The following LRTM2 variants were observed in gnomAD, a reference collection of about 807,000 sequenced individuals.
LRTM2 encodes the protein leucine rich repeat transmembrane protein 2, also known as leucine-rich repeat and transmembrane domain-containing protein 2.
In LRTM2, 18 loss-of-function variants were observed where a neutral mutation model predicts 28.1. The observed-to-expected ratio is 0.64, with a 90% CI of 0.44 to 0.95. LRTM2 has a LOEUF of 0.95. Among genes scored for constraint, LRTM2 ranks in the 40% least tolerant of loss-of-function variants. LRTM2 has a pLI of 0.00. For synonymous variants in LRTM2, 250 were observed against 218.7 expected, an observed-to-expected ratio of 1.14 and a Z score of -1.26; for missense variants, 436 against 497.2, an observed-to-expected ratio of 0.88 and a Z score of 1.17.
rs773458322 is a variant in LRTM2 at position 1,834,703 on chromosome 12, G to A, written c.1095G>A (p.Gln365=). ...AGGGCGAGCACGAGGACCAGAAGCA[G>A]ATCTCTTCTGTGGCCTGAGCGCCCA... ...DPEGEHEDQK[Q]ISSVA Residue 365 remains glutamine, a synonymous_variant, in exon 5 of 5, where the codon CAG becomes CAA. Coordinates refer to ENST00000299194, the MANE Select transcript of LRTM2 (RefSeq NM_001039029.3). The surrounding 1 kb of genome is among the most constrained non-coding windows in gnomAD (Gnocchi z 7.6). 1 of 1,599,778 alleles carries A rather than the reference G, an allele frequency of 6.3e-7. No individual in the cohort carries two copies. Among genetic ancestry groups the A allele is most frequent in the Admixed American group, 1.7e-5 (1 of 59,842 alleles).
At position 1,828,902 on chromosome 12, in the gene LRTM2, G is replaced by A. The variant is rs1864489515; in HGVS notation, c.67+687G>A. Among the ~76,000 whole-genome samples, 2 of 152,200 alleles carry A rather than the reference G, an allele frequency of 1.3e-5. No homozygotes were observed. The highest frequency in any genetic ancestry group is 1.3e-4 in the Admixed American group (2 of 15,286). On this transcript the variant is annotated intron_variant, in intron 3 of 4. Coordinates refer to ENST00000299194, the MANE Select transcript of LRTM2 (RefSeq NM_001039029.3). This position sits in a 1 kb window ranked among gnomAD's most constrained non-coding sequence, Gnocchi z 4.2. ...AGAATTCTCTTTATATGTGGCAAAG[G>A]GACCAGGTCAGCAAGGGCTGGTCTG...
At chr12:1,821,729 G>C (rs1399636973) in intron 1 of LRTM2, among the ~76,000 whole-genome samples, 1 of 152,146 alleles carries the variant, frequency 6.6e-6, no homozygotes, top group Non-Finnish European at 1.5e-5. Flanking sequence ...GACCCATTTG[G>C]ACAGTGCTGG....
chr12:1,830,838 G>C (rs1185799501), intron 3 of LRTM2, 97 bp from the exon 4 acceptor site: 2 of 1,027,996 alleles, frequency 1.9e-6, no homozygotes, highest in African/African-American at 3.2e-5. Flanking sequence ...AGGAGATAAA[G>C]CCAAGAGCCT....
chr12:1,820,955 C>G lies in LRTM2; in HGVS notation c.-259+141C>G, dbSNP rs919292329. ...TCCTACCTGCAGGCAATTGCTGGGG[C>G]CGAAGAAGCTGCTCGGGCTCAGGCA... On this transcript the variant is annotated intron_variant, in intron 1 of 4. Coordinates refer to ENST00000299194, the MANE Select transcript of LRTM2 (RefSeq NM_001039029.3). This position sits in a 1 kb window ranked among gnomAD's most constrained non-coding sequence, Gnocchi z 6.0. 1 of 152,256 alleles carries G rather than the reference C, an allele frequency of 6.6e-6. No individual in the cohort carries two copies. Among genetic ancestry groups the G allele is most frequent in the Non-Finnish European group, 1.5e-5 (1 of 68,102 alleles). The allele number at this position is 152,256 out of a possible 1,614,324, so 9.4% of individuals were successfully genotyped here. A position where few individuals can be genotyped will look rare whatever the true frequency, so the allele number is the denominator to read the frequency against.
intron 1 of LRTM2, chr12:1,823,239 C>G (rs1283460925): frequency 2.0e-5 from 3 of 152,400 alleles, no homozygotes; most frequent in Non-Finnish European, 4.4e-5. Flanking sequence ...TAGACATGCG[C>G]AGAAGCCTGA....
intron 1 of LRTM2, among the ~76,000 whole-genome samples, chr12:1,826,045 C>T (rs959183440): frequency 6.6e-6 from 1 of 152,156 alleles, no homozygotes; most frequent in Non-Finnish European, 1.5e-5. Flanking sequence ...TACATAGACT[C>T]CACAGGCCCG....
At position 1,834,760 on chromosome 12, in the gene LRTM2, G is replaced by A; in HGVS notation, c.*39G>A. 1 of 1,547,538 alleles carries A rather than the reference G, an allele frequency of 6.5e-7. No individual in the cohort carries two copies. Among genetic ancestry groups the A allele is most frequent in the African/African-American group, 1.4e-5 (1 of 73,900 alleles). On this transcript the variant is annotated 3_prime_UTR_variant, in exon 5 of 5. Coordinates refer to ENST00000299194, the MANE Select transcript of LRTM2 (RefSeq NM_001039029.3). This position sits in a 1 kb window ranked among gnomAD's most constrained non-coding sequence, Gnocchi z 7.6. ...CCCGGCCAGGTAGGAAGGGCGGGGA[G>A]AGCACACGGCATTGCTCAGCCACAG...
At chr12:1,825,866 C>T (rs1864295109) in intron 1 of LRTM2, among the ~76,000 whole-genome samples, 1 of 152,180 alleles carries the variant, frequency 6.6e-6, no homozygotes, top group Non-Finnish European at 1.5e-5. Context: ...TGACCTTGGA[C>T]AAGTGATCAA....
In LRTM2 at chr12:1,828,001, G is replaced by A. The variant is rs771603682; in HGVS notation, c.-73-75G>A. 1.0e-3 allele frequency: 560 copies of A among 560,334 alleles called. 3 individuals are homozygous for A. Among genetic ancestry groups the A allele is most frequent in the Non-Finnish European group, 1.1e-3 (365 of 336,560 alleles). 34.7% of individuals were successfully genotyped at this position (560,334 alleles called of 1,614,324 possible). On this transcript the variant is annotated intron_variant, in intron 2 of 4. Transcript: ENST00000299194. This position sits in a 1 kb window ranked among gnomAD's most constrained non-coding sequence, Gnocchi z 4.2. ...GCATGAGGAGTGTAAAGAGACACCC[G>A]GGCCCTCTCCCTAACCCCTGGGCTG...
rs1407956818 is a variant in LRTM2 at position 1,828,878 on chromosome 12, G to T, written c.67+663G>T. On this transcript the variant is annotated intron_variant, in intron 3 of 4. Transcript: ENST00000299194. The surrounding 1 kb of genome is among the most constrained non-coding windows in gnomAD (Gnocchi z 4.2). The stretch of plus-strand genomic sequence containing the variant: ...GCTGTCAGGGTGAAAGGAGCCCTGA[G>T]AATTCTCTTTATATGTGGCAAAGGG... Among the ~76,000 whole-genome samples, 1 of 152,214 alleles carries T rather than the reference G, an allele frequency of 6.6e-6. No homozygotes were observed. The highest frequency in any genetic ancestry group is 2.1e-4 in the South Asian group (1 of 4,830).
intron 1 of LRTM2, among the ~76,000 whole-genome samples, chr12:1,823,845 G>A (rs1864210414): frequency 6.6e-6 from 1 of 152,188 alleles, no homozygotes. Flanking sequence ...ACACTGCAGA[G>A]GACCATTCAG....
chr12:1,822,154 G>T (rs1345644141), intron 1 of LRTM2: 1 of 152,158 alleles, frequency 6.6e-6, no homozygotes, highest in African/African-American at 2.4e-5. Context: ...AAGGAGAGAG[G>T]CTGCTTAAGC....
chr12:1,826,412 C>CCCCA (rs1864327270), intron 1 of LRTM2, among the ~76,000 whole-genome samples: 1 of 41,720 alleles, frequency 2.4e-5, no homozygotes, highest in African/African-American at 4.1e-5. Context: ...CCCCCCCCCC[C>CCCCA]CCCCGCCAAC....
Position 1,834,518 on chromosome 12 carries a change from G to A in LRTM2, c.910G>A (p.Val304Met), listed in dbSNP as rs774813692. Residue 304 changes from valine to methionine, a missense_variant, in exon 5 of 5, where the codon GTG (valine) becomes ATG (methionine). Physicochemically the swap from Val to Met is conservative, Grantham distance 21 (BLOSUM62 1). Transcript: ENST00000299194. The surrounding 1 kb of genome is among the most constrained non-coding windows in gnomAD (Gnocchi z 7.6). Reference protein sequence around the residue: ...PQKQRHRPASVRRAMGTVIIA... With the variant: ...PQKQRHRPASMRRAMGTVIIA... ...GAAGCAGAGGCACCGGCCGGCGAGC[G>A]TGAGGCGAGCCATGGGCACGGTGAT... is the stretch of plus-strand genomic sequence containing the variant. 1.1e-5 allele frequency: 18 copies of A among 1,605,974 alleles called. No individual in the cohort carries two copies. Among genetic ancestry groups the A allele is most frequent in the African/African-American group, 8.0e-5 (6 of 74,928 alleles).
chr12:1,830,450 C>G (rs1045306920), intron 3 of LRTM2, among the ~76,000 whole-genome samples: 1 of 152,252 alleles, frequency 6.6e-6, no homozygotes, highest in Admixed American at 6.5e-5. Flanking sequence ...AGCCAGCAGC[C>G]TGGCCATTTT....
intron 3 of LRTM2, 63 bp from the exon 4 acceptor site, chr12:1,830,872 G>C: frequency 1.5e-6 from 2 of 1,351,922 alleles, no homozygotes; most frequent in East Asian, 2.5e-5. Context: ...AAGGAGGGAA[G>C]AGAAGCAGGA....
Position 1,829,176 on chromosome 12 carries a change from C to A in LRTM2, c.67+961C>A, listed in dbSNP as rs762096139. Among the ~76,000 whole-genome samples, 1 of 151,940 alleles carries A rather than the reference C, an allele frequency of 6.6e-6. No homozygotes were observed. Among genetic ancestry groups the A allele is most frequent in the African/African-American group, 2.4e-5 (1 of 41,204 alleles). Reference sequence around the variant, plus strand: ...TTGATCTCCAGGGAGGTGGGGGGCGCAGGGAGTCGCTCTTCCGCAGCGGCT... The same window carrying A: ...TTGATCTCCAGGGAGGTGGGGGGCGAAGGGAGTCGCTCTTCCGCAGCGGCT... On this transcript the variant is annotated intron_variant, in intron 3 of 4. Coordinates refer to ENST00000299194, the MANE Select transcript of LRTM2 (RefSeq NM_001039029.3). This position sits in a 1 kb window ranked among gnomAD's most constrained non-coding sequence, Gnocchi z 4.2.
In LRTM2 at chr12:1,829,243, G is replaced by A. The variant is rs563996422; in HGVS notation, c.67+1028G>A. Among the ~76,000 whole-genome samples the A allele has an allele frequency of 1.6e-3, 244 of 152,286 alleles. 5 individuals carry two copies. In the South Asian group the frequency reaches 0.034, roughly 21 times the overall value. On this transcript the variant is annotated intron_variant, in intron 3 of 4. Transcript: ENST00000299194. The surrounding 1 kb of genome is among the most constrained non-coding windows in gnomAD (Gnocchi z 4.2). ...AGGCCCTTCTCTGGGAGGGGCGAGC[G>A]GCTTCTGGTGATGCAGATCCTTTTG...
Position 1,834,640 on chromosome 12 carries a change from G to A in LRTM2, c.1032G>A (p.Arg344=). The stretch of plus-strand genomic sequence containing the variant: ...CCTCCCTCATGGCCAAGTACCACCG[G>A]GAGCTCAAAAAGCGCCAGCCCCTGA... ...IYASLMAKYH[R]ELKKRQPLMG... The change falls in exon 5 of 5, where the codon CGG becomes CGA. Residue 344 remains arginine, a synonymous_variant. Transcript: ENST00000299194. This position sits in a 1 kb window ranked among gnomAD's most constrained non-coding sequence, Gnocchi z 7.6. 1 of 1,600,558 alleles carries A rather than the reference G, an allele frequency of 6.2e-7. No homozygotes were observed. Among genetic ancestry groups the A allele is most frequent in the Non-Finnish European group, 8.5e-7 (1 of 1,179,830 alleles).
Sources: gnomAD v4.1 joint callset for allele counts (sites outside exome capture counted in the v4.1 genomes callset) on GRCh38, gnomAD v4.1.1 for gene constraint, Gnocchi (gnomAD v3.1) non-coding constraint, MANE v1.5 for transcripts, NCBI Gene and HGNC (gene_info 2026-07-23, HGNC 2026-07-21) for gene names.